The following LRRC40 variants were observed in gnomAD, a reference collection of about 807,000 sequenced individuals.
LRRC40 encodes the protein leucine rich repeat containing 40, also known as leucine-rich repeat-containing protein 40.
A neutral mutation model predicts 72.8 loss-of-function variants in LRRC40; 76 were observed. The observed-to-expected ratio is 1.04, with a 90% CI of 0.87 to 1.26. The LOEUF (loss-of-function observed/expected upper bound fraction) is 1.26. Ranked by LOEUF, LRRC40 falls within the 50% of genes most tolerant of loss-of-function variation. The pLI, the probability that LRRC40 is intolerant of heterozygous loss-of-function variation, is 0.00. For missense variants in LRRC40, 684 were observed against 698.9 expected (o/e 0.98, Z 0.24); for synonymous variants, 243 against 254.2 (o/e 0.96, Z 0.42).
chr1:70,180,663 A>C (rs1668223427), intron 5 of LRRC40, among the ~76,000 whole-genome samples: 1 of 152,180 alleles, frequency 6.6e-6, no homozygotes, highest in Admixed American at 6.5e-5. Flanking sequence ...AAAGATTGAC[A>C]ACCTGGGACC....
Position 70,148,679 on chromosome 1 carries a change from A to C in LRRC40, c.1518-7T>G, listed in dbSNP as rs1435425367. 6.4e-7 allele frequency: 1 copy of C among 1,570,960 alleles called. No individual in the cohort carries two copies. Among genetic ancestry groups the C allele is most frequent in the Non-Finnish European group, 8.7e-7 (1 of 1,145,614 alleles). ...TTCAGGTAGCATTTTAAACCTATTA[A>C]TACATGAACAGAACACCTAAATATA... is the stretch of plus-strand genomic sequence containing the variant. On this transcript the variant is annotated splice_region_variant and splice_polypyrimidine_tract_variant and intron_variant, in intron 13 of 14. Transcript: ENST00000370952.
chr1:70,176,654 T>C (rs1668112568), intron 6 of LRRC40, among the ~76,000 whole-genome samples: 1 of 151,962 alleles, frequency 6.6e-6, no homozygotes, highest in Admixed American at 6.6e-5. Context: ...TAAAAAGTTA[T>C]TGATATTATG....
intron 6 of LRRC40, 119 bp downstream of exon 6, chr1:70,178,732 A>C: frequency 2.0e-6 from 1 of 496,864 alleles, no homozygotes; most frequent in East Asian, 3.4e-5. Context: ...CATAGGAAAA[A>C]CACAGTACTT....
chr1:70,191,861 T>C (rs1668507826), intron 1 of LRRC40, among the ~76,000 whole-genome samples: 1 of 152,154 alleles, frequency 6.6e-6, no homozygotes. Flanking sequence ...TTCAAACATA[T>C]ACATAAATTT....
chr1:70,153,721 C>T (rs1667567331), intron 11 of LRRC40, among the ~76,000 whole-genome samples: 1 of 152,012 alleles, frequency 6.6e-6, no homozygotes, highest in South Asian at 2.1e-4. Flanking sequence ...GTGGCTCACA[C>T]CTGTAATCCC....
rs1338317760 is a variant in LRRC40 at position 70,145,888 on chromosome 1, C to G, written c.1721G>C (p.Gly574Ala). 1 of 1,587,100 alleles carries G rather than the reference C, an allele frequency of 6.3e-7. No individual in the cohort carries two copies. Among genetic ancestry groups the G allele is most frequent in the Non-Finnish European group, 8.6e-7 (1 of 1,156,634 alleles). ...CVNLRTLLLD[G>A]NPFRVPRAAI... ...TGCTCGAGGAACTCGGAATGGATTT[C>G]CATCCAGTAGTAATGTTCTAAACAA... The change falls in exon 15 of 15, where the codon GGA becomes GCA. Residue 574 changes from glycine to alanine, a missense_variant. Coordinates refer to ENST00000370952, the MANE Select transcript of LRRC40 (RefSeq NM_017768.5).
chr1:70,161,004 A>C (rs1667746556), intron 9 of LRRC40, among the ~76,000 whole-genome samples: 2 of 152,174 alleles, frequency 1.3e-5, no homozygotes, highest in South Asian at 4.1e-4. Flanking sequence ...GAGAGAAAAA[A>C]AAAAGTTGTA....
chr1:70,202,512 G>A (rs1668770312), intron 1 of LRRC40, among the ~76,000 whole-genome samples: 1 of 152,130 alleles, frequency 6.6e-6, no homozygotes, highest in Non-Finnish European at 1.5e-5. Context: ...AAGATCACTG[G>A]TTGCCCACAG....
intron 14 of LRRC40, among the ~76,000 whole-genome samples, chr1:70,147,589 C>T (rs1378199143): frequency 6.6e-6 from 1 of 152,058 alleles, no homozygotes; most frequent in African/African-American, 2.4e-5. Context: ...CTGTATTTCC[C>T]CCAGAAGCAA....
intron 10 of LRRC40, among the ~76,000 whole-genome samples, chr1:70,157,967 G>C (rs1667675591): frequency 6.6e-6 from 1 of 151,806 alleles, no homozygotes; most frequent in African/African-American, 2.4e-5. Flanking sequence ...AGCTGGGCAG[G>C]ATAGCGTGCA....
intron 9 of LRRC40, among the ~76,000 whole-genome samples, chr1:70,169,103 A>G (rs1001603498): frequency 6.6e-6 from 1 of 152,184 alleles, no homozygotes. Flanking sequence ...TCCAAGAGAC[A>G]GCTAATCATA....
intron 1 of LRRC40, among the ~76,000 whole-genome samples, chr1:70,197,583 C>A (rs1668643153): frequency 6.7e-6 from 1 of 149,562 alleles, no homozygotes; most frequent in African/African-American, 2.4e-5. Context: ...CTGGCCCCCC[C>A]AACCCCCGGC....
chr1:70,180,655 A>G (rs563906718), intron 5 of LRRC40, among the ~76,000 whole-genome samples: 12 of 152,302 alleles, frequency 7.9e-5, no homozygotes, highest in African/African-American at 2.4e-4. Flanking sequence ...CTTTTAAAAA[A>G]GATTGACAAC....
At position 70,175,844 on chromosome 1, in the gene LRRC40, C is replaced by T. The variant is rs1668091582; in HGVS notation, c.943G>A (p.Glu315Lys). 6 of 1,577,936 alleles carry T rather than the reference C, an allele frequency of 3.8e-6. No homozygotes were observed. Among genetic ancestry groups the T allele is most frequent in the Non-Finnish European group, 5.1e-6 (6 of 1,166,598 alleles). The change falls in exon 7 of 15, where the codon GAA becomes AAA. Residue 315 changes from glutamate (E) to lysine (K), a missense_variant. Glu to Lys is a moderately conservative substitution (Grantham distance 56, BLOSUM62 1). Coordinates refer to ENST00000370952, the MANE Select transcript of LRRC40 (RefSeq NM_017768.5). ...PDEIILLRSL[E>K]RLDLSNNDIS... ...TCATTGTTGCTTAGGTCAAGCCTTT[C>T]CAAGGACCGTAGTAGTATAATTTCA...
chr1:70,189,908 T>C (rs1437181335), intron 1 of LRRC40, among the ~76,000 whole-genome samples: 1 of 152,220 alleles, frequency 6.6e-6, no homozygotes, highest in Non-Finnish European at 1.5e-5. Context: ...ACTGTCTTGC[T>C]TTCTATTAAC....
chr1:70,188,708 G>A (rs1322271769), intron 2 of LRRC40, among the ~76,000 whole-genome samples: 2 of 152,146 alleles, frequency 1.3e-5, no homozygotes, highest in Non-Finnish European at 2.9e-5. Context: ...TATTTTGCCT[G>A]TGCAAAATAG....
At chr1:70,152,614 C>A in intron 11 of LRRC40, 71 bp from the exon 12 acceptor site, 1 of 772,158 alleles carries the variant, frequency 1.3e-6, no homozygotes, top group South Asian at 1.6e-5. Context: ...GTAAGCAGAT[C>A]AAAGGGGGAA....
At chr1:70,205,238 G>T in intron 1 of LRRC40, 152 bp downstream of exon 1, 1 of 693,254 alleles carries the variant, frequency 1.4e-6, no homozygotes, top group Non-Finnish European at 2.2e-6. Flanking sequence ...AACCAAACCG[G>T]TCGAAATGAG....
At chr1:70,187,661 C>CA (rs55729031) in intron 2 of LRRC40, among the ~76,000 whole-genome samples, 25,433 of 126,730 alleles carry the variant, frequency 0.2, 2,518 homozygotes, top group East Asian at 0.39. Flanking sequence ...CTTGTCTCTA[C>CA]AAAAAAAAAA....
Sources: allele counts gnomAD v4.1 joint callset (sites outside exome capture counted in the v4.1 genomes callset), GRCh38; gene constraint gnomAD v4.1.1; transcripts MANE v1.5; gene names NCBI Gene and HGNC (gene_info 2026-07-23, HGNC 2026-07-21).